The following EYS variants were observed in gnomAD, a reference collection of about 807,000 sequenced individuals.
EYS encodes protein eyes shut homolog.
Under a neutral mutation model 282.1 loss-of-function variants are expected in EYS, and 250 were observed. That is an observed-to-expected ratio of 0.89 (90% confidence interval 0.80 to 0.98). The LOEUF is 0.98. Ranked by LOEUF, EYS falls within the 50% of genes least tolerant of loss-of-function variation. The pLI, the probability that EYS is intolerant of heterozygous loss-of-function variation, is 0.00. For missense variants in EYS, 4,016 were observed against 3,709.0 expected (o/e 1.08, Z -2.15); for synonymous variants, 1,355 against 1,282.9 (o/e 1.06, Z -1.20).
At chr6:64,062,151 G>T (rs916413278) in intron 33 of EYS, among the ~76,000 whole-genome samples, 1 of 152,082 alleles carries the variant, frequency 6.6e-6, no homozygotes, top group Non-Finnish European at 1.5e-5. Context: ...GTTGGAAAAA[G>T]CCGTACCAAA....
intron 22 of EYS, among the ~76,000 whole-genome samples, chr6:64,768,333 A>G (rs1051610744): frequency 1.3e-5 from 2 of 152,150 alleles, no homozygotes; most frequent in African/African-American, 4.8e-5. Context: ...GATGATAATA[A>G]AAATGATTTT....
intron 5 of EYS, among the ~76,000 whole-genome samples, chr6:65,411,821 T>A (rs1767026945): frequency 6.6e-6 from 1 of 152,062 alleles, no homozygotes; most frequent in Non-Finnish European, 1.5e-5. Flanking sequence ...ACGTCTTTTT[T>A]TTTTTTTCGG....
chr6:64,787,009 A>C (rs191974010), intron 22 of EYS, among the ~76,000 whole-genome samples: 1 of 152,274 alleles, frequency 6.6e-6, no homozygotes, highest in East Asian at 1.9e-4. Context: ...AGGTCAGTAG[A>C]GTTTGGCAAT....
intron 12 of EYS, among the ~76,000 whole-genome samples, chr6:65,185,716 T>A (rs1470821830): frequency 6.6e-6 from 1 of 151,800 alleles, no homozygotes; most frequent in Non-Finnish European, 1.5e-5. Context: ...AGAATGGCAC[T>A]GTATTTTGGG....
intron 8 of EYS, among the ~76,000 whole-genome samples, chr6:65,365,606 T>A (rs1468959460): frequency 1.3e-5 from 2 of 151,692 alleles, no homozygotes; most frequent in East Asian, 3.9e-4. Context: ...GATCATGGCC[T>A]GTCTTCCTCA....
At chr6:64,396,208 T>C (rs1454289134) in intron 28 of EYS, among the ~76,000 whole-genome samples, 1 of 152,168 alleles carries the variant, frequency 6.6e-6, no homozygotes. Flanking sequence ...TCACAAATTA[T>C]TCTAATGTTG....
chr6:65,203,013 C>T (rs1765942118), intron 12 of EYS, among the ~76,000 whole-genome samples: 1 of 152,178 alleles, frequency 6.6e-6, no homozygotes, highest in African/African-American at 2.4e-5. Flanking sequence ...CACAGCTTTG[C>T]CCTCTCAAGC....
chr6:63,852,336 G>T (rs1365089971), intron 36 of EYS, among the ~76,000 whole-genome samples: 1 of 151,842 alleles, frequency 6.6e-6, no homozygotes, highest in Non-Finnish European at 1.5e-5. Flanking sequence ...CTACCATCAG[G>T]TAATACTATG....
Position 65,057,585 on chromosome 6 carries a change from G to C in EYS, c.2137+29C>G, listed in dbSNP as rs1209648012. The C allele has an allele frequency of 6.1e-6, 8 of 1,318,434 alleles. No individual in the cohort carries two copies. In the South Asian group the frequency reaches 1.0e-4, roughly 17 times the overall value. 81.7% of individuals were successfully genotyped at this position (1,318,434 alleles called of 1,614,324 possible). ...GTGCTTTTTAAAGTTAATTATGTTT[G>C]CTTTTCCTTATCCCTTGGTGTTCAT... is the stretch of plus-strand genomic sequence containing the variant. On this transcript the variant is annotated intron_variant, in intron 13 of 42. Coordinates refer to ENST00000503581, the MANE Select transcript of EYS (RefSeq NM_001142800.2).
At chr6:64,789,415 C>A (rs537961140) in intron 22 of EYS, among the ~76,000 whole-genome samples, 1 of 152,234 alleles carries the variant, frequency 6.6e-6, no homozygotes, top group Non-Finnish European at 1.5e-5. Flanking sequence ...CTCTCATACA[C>A]ACACATGCTA....
At chr6:64,131,976 A>T (rs1189128364) in intron 31 of EYS, among the ~76,000 whole-genome samples, 4 of 152,162 alleles carry the variant, frequency 2.6e-5, no homozygotes, top group African/African-American at 9.7e-5. Context: ...TTTTCTTTAC[A>T]ATTTACCAAA....
intron 26 of EYS, among the ~76,000 whole-genome samples, chr6:64,523,953 A>G (rs1777840244): frequency 1.3e-5 from 2 of 151,782 alleles, no homozygotes; most frequent in South Asian, 4.1e-4. Flanking sequence ...TTGTTTGGTT[A>G]TTTCTCCTTT....
At chr6:64,218,175 A>T (rs2150331582) in intron 31 of EYS, among the ~76,000 whole-genome samples, 1 of 152,206 alleles carries the variant, frequency 6.6e-6, no homozygotes, top group East Asian at 1.9e-4. Context: ...CTGCCCCTCC[A>T]TTGAAATGCC....
chr6:65,022,314 C>A (rs1405116308), intron 13 of EYS, among the ~76,000 whole-genome samples: 1 of 152,144 alleles, frequency 6.6e-6, no homozygotes, highest in African/African-American at 2.4e-5. Context: ...GCATATTATG[C>A]CAGTTTATCT....
At chr6:64,959,497 T>A (rs925447940) in intron 14 of EYS, among the ~76,000 whole-genome samples, 3 of 152,168 alleles carry the variant, frequency 2.0e-5, no homozygotes, top group Non-Finnish European at 4.4e-5. Flanking sequence ...AAACCACTCA[T>A]GATATTGACT....
rs1169543908 is a variant in EYS, at chr6:63,929,454, T to C, written c.7055+54929A>G. 3.9e-5 allele frequency among the ~76,000 whole-genome samples: 6 copies of C among 152,208 alleles called. 1 individual carries two copies. The highest frequency in any genetic ancestry group is 1.3e-4 in the Admixed American group (2 of 15,280). On this transcript the variant is annotated intron_variant, in intron 35 of 42. Coordinates refer to ENST00000503581, the MANE Select transcript of EYS (RefSeq NM_001142800.2). ...TAACATCTCAAGACTGGATTTGTCA[T>C]TGAAAGGTTTGAGTATCCCTTTAAT... is the stretch of plus-strand genomic sequence containing the variant.
At chr6:64,628,538 A>AG (rs769975889) in intron 22 of EYS, among the ~76,000 whole-genome samples, 16 of 152,120 alleles carry the variant, frequency 1.1e-4, no homozygotes, top group Non-Finnish European at 2.1e-4. Flanking sequence ...CCTCCCACAT[A>AG]GGACTACAGG....
Position 64,444,920 on chromosome 6 carries a change from T to C in EYS, c.5645-5568A>G, listed in dbSNP as rs80239929. On this transcript the variant is annotated intron_variant, in intron 26 of 42. Transcript: ENST00000503581. Reference sequence around the variant, plus strand: ...CCTGCCTCCCACTTCACCTCCACCATGATTTCTGAGGGCCTCACCAGAAGC... The same window carrying C: ...CCTGCCTCCCACTTCACCTCCACCACGATTTCTGAGGGCCTCACCAGAAGC... 4.2e-3 allele frequency among the ~76,000 whole-genome samples: 647 copies of C among 152,312 alleles called. 5 individuals are homozygous for C. The highest frequency in any genetic ancestry group is 0.015 in the African/African-American group (603 of 41,574).
intron 35 of EYS, among the ~76,000 whole-genome samples, chr6:63,969,138 A>G (rs1040710091): frequency 2.6e-5 from 4 of 152,150 alleles, no homozygotes; most frequent in African/African-American, 9.7e-5. Flanking sequence ...ATATTGTGGT[A>G]TCCTCATCCC....
Sources: gnomAD v4.1 joint callset for allele counts (sites outside exome capture counted in the v4.1 genomes callset) on GRCh38, gnomAD v4.1.1 for gene constraint, MANE v1.5 for transcripts, NCBI Gene and HGNC (gene_info 2026-07-23, HGNC 2026-07-21) for gene names.